The following PTPN23 variants were observed in gnomAD, a reference collection of about 807,000 sequenced individuals.
PTPN23 encodes the protein protein tyrosine phosphatase non-receptor type 23.
Under a neutral mutation model 156.3 loss-of-function variants are expected in PTPN23, and 72 were observed. That is an observed-to-expected ratio of 0.46 (90% CI 0.38 to 0.56). PTPN23 has a LOEUF of 0.56. Ranked by LOEUF, PTPN23 falls within the 20% of genes least tolerant of loss-of-function variation. The pLI is 0.00. For missense variants in PTPN23, 1,974 were observed against 2,171.5 expected (o/e 0.91, Z 1.81); for synonymous variants, 957 against 899.6 (o/e 1.06, Z -1.14).
intron 1 of PTPN23, among the ~76,000 whole-genome samples, chr3:47,389,546 G>A (rs1306749206): frequency 1.3e-5 from 2 of 151,568 alleles, no homozygotes; most frequent in South Asian, 2.1e-4. Flanking sequence ...CGAAGTCAAG[G>A]GTTCGGGACC....
At chr3:47,381,453 G>GGCAGCACACTTCCTCCTTCTGAC (rs1413766307) in intron 1 of PTPN23, among the ~76,000 whole-genome samples, 2 of 152,276 alleles carry the variant, frequency 1.3e-5, no homozygotes, top group Non-Finnish European at 1.5e-5. Context: ...TTCCCACTGA[G>GGCAGCACACTTCCTCCTTCTGAC]GCAGCACACT....
intron 1 of PTPN23, among the ~76,000 whole-genome samples, chr3:47,384,337 G>A (rs1453224504): frequency 6.0e-5 from 9 of 151,182 alleles, no homozygotes; most frequent in Admixed American, 2.0e-4. Flanking sequence ...GCATAGTGGC[G>A]GGTGCCTGTA....
rs1181052741 is a variant in PTPN23 at position 47,406,681 on chromosome 3, G to C, written c.760-22G>C. 1 of 1,614,014 alleles carries C rather than the reference G, an allele frequency of 6.2e-7. No homozygotes were observed. Among genetic ancestry groups the C allele is most frequent in the South Asian group, 1.1e-5 (1 of 91,082 alleles). On this transcript the variant is annotated intron_variant, in intron 8 of 24. Transcript: ENST00000265562. The surrounding 1 kb of genome is among the most constrained non-coding windows in gnomAD (Gnocchi z 5.8). ...GGCCACAGCTCAGGAAGCAAGTCGTGGCGTCTCTTCTTCTTTCCCAGCTGC... is the reference window on the plus strand; with the variant it reads ...GGCCACAGCTCAGGAAGCAAGTCGTCGCGTCTCTTCTTCTTTCCCAGCTGC...
chr3:47,391,084 A>G (rs1299865001), intron 1 of PTPN23, among the ~76,000 whole-genome samples: 1 of 152,122 alleles, frequency 6.6e-6, no homozygotes, highest in Non-Finnish European at 1.5e-5. Context: ...ACCTCTACAG[A>G]AAATTAGCTG....
rs756448288 is a variant in PTPN23, at chr3:47,411,117, C to T, written c.3319C>T (p.Pro1107Ser). 1 of 1,603,896 alleles carries T rather than the reference C, an allele frequency of 6.2e-7. No homozygotes were observed. The highest frequency in any genetic ancestry group is 1.1e-5 in the South Asian group (1 of 89,710). ...CCCTCGCCCCCCAGCAGCAGAACCA[C>T]CCCCTTGCCTGCGCCGAGGCGCCGC... ...VPPRPPAAEPPPCLRRGAAAA... is the reference protein window; with the variant it reads ...VPPRPPAAEPSPCLRRGAAAA... Residue 1107 changes from proline (P) to serine (S), a missense_variant, in exon 20 of 25, where the codon CCC becomes TCC. By Grantham distance (74) the Pro-to-Ser change is moderately conservative. Coordinates refer to ENST00000265562, the MANE Select transcript of PTPN23 (RefSeq NM_015466.4). The surrounding 1 kb of genome is among the most constrained non-coding windows in gnomAD (Gnocchi z 6.3).
intron 1 of PTPN23, among the ~76,000 whole-genome samples, chr3:47,393,699 TCCAGCTGGGGTTCTCATATTG>T (rs1704821061): frequency 6.6e-6 from 1 of 152,118 alleles, no homozygotes; most frequent in Non-Finnish European, 1.5e-5. Context: ...CAGACTCAGA[TCCAGCTGGGGTTCTCATATTG>T]CATTTAGTTG....
chr3:47,395,656 A>G (rs930339029), intron 1 of PTPN23, among the ~76,000 whole-genome samples: 1 of 152,184 alleles, frequency 6.6e-6, no homozygotes, highest in African/African-American at 2.4e-5. Flanking sequence ...TGCAGATCAC[A>G]TGTTTCTATG....
chr3:47,407,073 A>G lies in PTPN23; in HGVS notation c.808-57A>G, dbSNP rs996410220. Reference sequence around the variant, plus strand: ...CAGGCAGGGCCGGGTGGGAGGCAGGAGGAGAAAGGGTCCAAGCAGAGGAGG... The same window carrying G: ...CAGGCAGGGCCGGGTGGGAGGCAGGGGGAGAAAGGGTCCAAGCAGAGGAGG... On this transcript the variant is annotated intron_variant, in intron 9 of 24. Coordinates refer to ENST00000265562, the MANE Select transcript of PTPN23 (RefSeq NM_015466.4). This position sits in a 1 kb window ranked among gnomAD's most constrained non-coding sequence, Gnocchi z 4.0. The G allele has an allele frequency of 6.2e-7, 1 of 1,607,538 alleles. No homozygotes were observed. Among genetic ancestry groups the G allele is most frequent in the African/African-American group, 1.3e-5 (1 of 74,706 alleles).
intron 1 of PTPN23, among the ~76,000 whole-genome samples, chr3:47,383,939 C>G (rs1327577908): frequency 6.6e-6 from 1 of 152,228 alleles, no homozygotes; most frequent in Non-Finnish European, 1.5e-5. Context: ...CCTTCTGCCA[C>G]TGGCACCCTT....
At chr3:47,397,346 G>A (rs1245645977) in intron 2 of PTPN23, among the ~76,000 whole-genome samples, 3 of 152,220 alleles carry the variant, frequency 2.0e-5, no homozygotes, top group Admixed American at 2.0e-4. Context: ...CCTTCAGTCT[G>A]TAAAAAACAC....
At chr3:47,397,300 T>C (rs1292161656) in intron 2 of PTPN23, among the ~76,000 whole-genome samples, 1 of 152,214 alleles carries the variant, frequency 6.6e-6, no homozygotes, top group Non-Finnish European at 1.5e-5. Context: ...GGAAAAATGG[T>C]GCCGACAGGC....
intron 1 of PTPN23, among the ~76,000 whole-genome samples, chr3:47,382,680 C>CTTTTCTTTTTTTTTTTTTT (rs1704570021): frequency 5.1e-5 from 3 of 58,646 alleles, no homozygotes; most frequent in African/African-American, 1.2e-4. Flanking sequence ...TTTTTCTTTT[C>CTTTTCTTTTTTTTTTTTTT]TTTTTTTTTT....
intron 2 of PTPN23, among the ~76,000 whole-genome samples, chr3:47,397,956 C>A (rs561054788): frequency 1.1e-3 from 161 of 152,012 alleles, no homozygotes; most frequent in Non-Finnish European, 2.1e-3. Flanking sequence ...CAGGTGTGAG[C>A]CACCGCGCCC....
At chr3:47,397,036 C>G (rs1704893027) in intron 2 of PTPN23, among the ~76,000 whole-genome samples, 1 of 152,106 alleles carries the variant, frequency 6.6e-6, no homozygotes, top group African/African-American at 2.4e-5. Context: ...ATTATTGTGT[C>G]TCAGGGAATA....
At chr3:47,390,072 CAA>C (rs891612283) in intron 1 of PTPN23, among the ~76,000 whole-genome samples, 13 of 49,344 alleles carry the variant, frequency 2.6e-4, no homozygotes, top group Non-Finnish European at 2.5e-4. Flanking sequence ...GACTCCGTCT[CAA>C]AAAAAAAAAA....
intron 2 of PTPN23, among the ~76,000 whole-genome samples, chr3:47,396,620 G>A (rs558349873): frequency 6.6e-6 from 1 of 152,014 alleles, no homozygotes; most frequent in African/African-American, 2.4e-5. Flanking sequence ...AGCTTTTGAT[G>A]TAAAGTGAAA....
rs1419572409 is a variant in PTPN23 at position 47,405,162 on chromosome 3, G to T, written c.364+81G>T. 3.8e-6 allele frequency: 5 copies of T among 1,328,928 alleles called. No individual in the cohort carries two copies. In the East Asian group the frequency reaches 1.2e-4, roughly 31 times the overall value. The allele number at this position is 1,328,928 out of a possible 1,614,324, so 82.3% of individuals were successfully genotyped here. On this transcript the variant is annotated intron_variant, in intron 4 of 24. Transcript: ENST00000265562. This position sits in a 1 kb window ranked among gnomAD's most constrained non-coding sequence, Gnocchi z 4.7. The stretch of plus-strand genomic sequence containing the variant: ...TTCAGCTCTTCAGATGGCCACAAAG[G>T]CAGTGGGCTGATAAAGGGAGGACTC...
chr3:47,405,959 C>T lies in PTPN23; in HGVS notation c.459C>T (p.Ala153=). Residue 153 remains alanine, a synonymous_variant, in exon 6 of 25, where the codon GCC becomes GCT. Transcript: ENST00000265562. This position sits in a 1 kb window ranked among gnomAD's most constrained non-coding sequence, Gnocchi z 4.7. ...SCTHFQCAAG[A]FAYLREHFPQ... ...CCCATTTCCAGTGCGCAGCCGGCGC[C>T]TTCGCCTACCTACGGGAGCACTTCC... 1.9e-6 allele frequency: 3 copies of T among 1,613,970 alleles called. No individual in the cohort carries two copies. The highest frequency in any genetic ancestry group is 2.5e-6 in the Non-Finnish European group (3 of 1,180,008).
chr3:47,397,890 C>T lies in PTPN23; in HGVS notation c.159+1673C>T, dbSNP rs528947888. 4.6e-5 allele frequency among the ~76,000 whole-genome samples: 7 copies of T among 152,002 alleles called. No individual in the cohort carries two copies. The South Asian group carries it at 6.3e-4, about 14-fold the overall frequency. On this transcript the variant is annotated intron_variant, in intron 2 of 24. Transcript: ENST00000265562. ...TTCAACATGTTGGCCAGGCTGGTCT[C>T]GACCTCCTGACCTCAGGTAATCCAC...
Sources: allele counts gnomAD v4.1 joint callset (sites outside exome capture counted in the v4.1 genomes callset), GRCh38; gene constraint gnomAD v4.1.1; non-coding constraint Gnocchi (gnomAD v3.1); transcripts MANE v1.5; gene names NCBI Gene and HGNC (gene_info 2026-07-23, HGNC 2026-07-21).